Variants in RWDD2B observed in about 807,000 individuals in gnomAD.
RWDD2B encodes the protein RWD domain containing 2B, also known as RWD domain-containing protein 2B.
Under a neutral mutation model 33.6 loss-of-function variants are expected in RWDD2B, and 36 were observed. That is an observed-to-expected ratio of 1.07 (90% CI 0.82 to 1.42). RWDD2B has a LOEUF of 1.42. Ranked by LOEUF, RWDD2B falls within the 40% of genes most tolerant of loss-of-function variation. The pLI, the probability that RWDD2B is intolerant of heterozygous loss-of-function variation, is 0.00. For synonymous variants in RWDD2B, 126 were observed against 133.1 expected, an observed-to-expected ratio of 0.95 and a Z score of 0.37; for missense variants, 364 against 377.5, an observed-to-expected ratio of 0.96 and a Z score of 0.30.
In RWDD2B at chr21:29,006,184, G is replaced by A; in HGVS notation, c.*233C>T. 2.6e-6 allele frequency: 1 copy of A among 377,574 alleles called. No individual in the cohort carries two copies. Among genetic ancestry groups the A allele is most frequent in the South Asian group, 5.8e-5 (1 of 17,306 alleles). 23.4% of individuals were successfully genotyped at this position (377,574 alleles called of 1,614,324 possible). A position where few individuals can be genotyped will look rare whatever the true frequency, so the allele number is the denominator to read the frequency against. ...AATTTCTTTTTCAAAATGGGCAGCT[G>A]ATATGTGAAGAAATATCTAACAACA... is the stretch of plus-strand genomic sequence containing the variant. On this transcript the variant is annotated 3_prime_UTR_variant, in exon 5 of 5. Transcript: ENST00000493196.
At chr21:29,018,797 C>G (rs984393157) in intron 1 of RWDD2B, among the ~76,000 whole-genome samples, 2 of 152,050 alleles carry the variant, frequency 1.3e-5, no homozygotes, top group African/African-American at 4.8e-5. Context: ...TCAAGATCAG[C>G]CTGGGTAACA....
At position 29,019,330 on chromosome 21, in the gene RWDD2B, C is replaced by G; in HGVS notation, c.-53G>C. ...ACTGCGACCCAAAACTTACAAACCG[C>G]CTCAGCTGGCGACCTACCGGAAAAA... On this transcript the variant is annotated 5_prime_UTR_variant, in exon 1 of 5. Coordinates refer to ENST00000493196, the MANE Select transcript of RWDD2B (RefSeq NM_016940.3). The G allele has an allele frequency of 2.9e-6, 4 of 1,358,624 alleles. No individual in the cohort carries two copies. The highest frequency in any genetic ancestry group is 4.1e-6 in the Non-Finnish European group (4 of 984,680). 84.2% of individuals were successfully genotyped at this position (1,358,624 alleles called of 1,614,324 possible). A position where few individuals can be genotyped will look rare whatever the true frequency, so the allele number is the denominator to read the frequency against.
intron 1 of RWDD2B, among the ~76,000 whole-genome samples, chr21:29,011,242 CCA>C (rs1389016129): frequency 1.3e-5 from 2 of 151,872 alleles, no homozygotes; most frequent in Admixed American, 6.5e-5. Context: ...TTCCCAGCCG[CCA>C]TCCCATGTGG....
intron 1 of RWDD2B, among the ~76,000 whole-genome samples, chr21:29,011,648 G>GC (rs1409592950): frequency 5.7e-5 from 8 of 139,722 alleles, no homozygotes; most frequent in African/African-American, 2.2e-4. Context: ...GGGGGGGTCA[G>GC]CCCCCCGCCC....
At chr21:29,006,991 A>C (rs1203459188) in intron 4 of RWDD2B, among the ~76,000 whole-genome samples, 1 of 152,164 alleles carries the variant, frequency 6.6e-6, no homozygotes, top group Non-Finnish European at 1.5e-5. Flanking sequence ...CTCTGAACTC[A>C]TTTGTTGCCC....
rs1400545702 is a variant in RWDD2B at position 29,005,383 on chromosome 21, T to G, written c.*1034A>C. On this transcript the variant is annotated 3_prime_UTR_variant, in exon 5 of 5. Coordinates refer to ENST00000493196, the MANE Select transcript of RWDD2B (RefSeq NM_016940.3). ...TTGTGTATCAAAAGGCTGGGGTAAA[T>G]GCAAAACTAAAGCTCTGAAAAACTC... 6.6e-6 allele frequency: 1 copy of G among 152,164 alleles called. No individual in the cohort carries two copies. Among genetic ancestry groups the G allele is most frequent in the African/African-American group, 2.4e-5 (1 of 41,432 alleles). 9.4% of individuals were successfully genotyped at this position (152,164 alleles called of 1,614,324 possible). A position where few individuals can be genotyped will look rare whatever the true frequency, so the allele number is the denominator to read the frequency against.
chr21:29,008,035 T>A lies in RWDD2B; in HGVS notation c.451A>T (p.Ile151Leu). 1 of 1,614,252 alleles carries A rather than the reference T, an allele frequency of 6.2e-7. No individual in the cohort carries two copies. The highest frequency in any genetic ancestry group is 8.5e-7 in the Non-Finnish European group (1 of 1,180,038). ...LQKHCHGDVC[I>L]LNATEWVREH... The stretch of plus-strand genomic sequence containing the variant: ...CTAACCCACTCTGTGGCATTCAGTA[T>A]ACAAACATCTCCATGACAATGTTTT... The change falls in exon 4 of 5, where the codon ATA (isoleucine) becomes TTA (leucine). Residue 151 changes from isoleucine to leucine, a missense_variant. Transcript: ENST00000493196.
At chr21:29,012,105 C>T (rs866142326) in intron 1 of RWDD2B, among the ~76,000 whole-genome samples, 3,262 of 131,550 alleles carry the variant, frequency 0.025, 146 homozygotes, top group African/African-American at 0.094. Context: ...CCGCCCCGTC[C>T]GGGAGGGAGG....
rs368353753 is a variant in RWDD2B at position 29,007,755 on chromosome 21, G to A, written c.725+6C>T. On this transcript the variant is annotated splice_donor_region_variant and intron_variant, in intron 4 of 4. Transcript: ENST00000493196. ...CATGACTTCATATACATATGTAAAA[G>A]CAAACCTTGACCAGAATTCTTCACA... is the stretch of plus-strand genomic sequence containing the variant. The A allele has an allele frequency of 3.7e-5, 60 of 1,609,504 alleles. No homozygotes were observed. In the African/African-American group the frequency reaches 7.3e-4, roughly 20 times the overall value.
At chr21:29,012,962 G>A (rs1333634252) in intron 1 of RWDD2B, among the ~76,000 whole-genome samples, 1 of 150,974 alleles carries the variant, frequency 6.6e-6, no homozygotes, top group African/African-American at 2.4e-5. Context: ...TTCAACATAT[G>A]TTAAGTGCCT....
At chr21:29,019,070 A>C (rs914495554) in intron 1 of RWDD2B, 141 bp downstream of exon 1, 10 of 677,058 alleles carry the variant, frequency 1.5e-5, no homozygotes, top group Admixed American at 2.7e-5. Context: ...AACGCCGAGG[A>C]CCGAGCCGAC....
At chr21:29,017,960 A>C (rs1039085883) in intron 1 of RWDD2B, among the ~76,000 whole-genome samples, 8 of 152,224 alleles carry the variant, frequency 5.3e-5, no homozygotes, top group African/African-American at 1.9e-4. Context: ...TGGGACTAGT[A>C]AAGCATGGCC....
At chr21:29,011,962 G>T (rs1206524391) in intron 1 of RWDD2B, among the ~76,000 whole-genome samples, 1 of 121,364 alleles carries the variant, frequency 8.2e-6, no homozygotes, top group African/African-American at 3.2e-5. Flanking sequence ...CCCCCGACCC[G>T]GCCAGCCGCG....
At chr21:29,012,010 C>T (rs1476864135) in intron 1 of RWDD2B, among the ~76,000 whole-genome samples, 9 of 138,144 alleles carry the variant, frequency 6.5e-5, no homozygotes, top group Non-Finnish European at 1.4e-4. Context: ...GCCCCCCGCC[C>T]GGCCAGCCGC....
intron 1 of RWDD2B, among the ~76,000 whole-genome samples, chr21:29,011,766 G>GC (rs2084862470): frequency 7.4e-6 from 1 of 136,022 alleles, no homozygotes; most frequent in African/African-American, 2.7e-5. Flanking sequence ...GAGGGAGGTG[G>GC]GGGGGTCAGC....
At chr21:29,018,930 A>G (rs1413074163) in intron 1 of RWDD2B, among the ~76,000 whole-genome samples, 7 of 152,300 alleles carry the variant, frequency 4.6e-5, no homozygotes, top group East Asian at 1.9e-4. Context: ...TTTGAAGAAC[A>G]GAGCAGGGTA....
At chr21:29,019,180 C>A (rs753833801) in intron 1 of RWDD2B, 31 bp downstream of exon 1, 2 of 1,562,960 alleles carry the variant, frequency 1.3e-6, no homozygotes, top group African/African-American at 2.7e-5. Context: ...CCGTGGCGGT[C>A]ACCACTGGCG....
rs570452576 is a variant in RWDD2B, at chr21:29,004,860, A to G, written c.*1557T>C. 5 of 152,330 alleles carry G rather than the reference A, an allele frequency of 3.3e-5. No individual in the cohort carries two copies. The highest frequency in any genetic ancestry group is 3.3e-4 in the Admixed American group (5 of 15,302). The allele number at this position is 152,330 out of a possible 1,614,324, so 9.4% of individuals were successfully genotyped here. A position where few individuals can be genotyped will look rare whatever the true frequency, so the allele number is the denominator to read the frequency against. ...TTCCTTCAGATTTCTACATTGTATT[A>G]CATAATATATGCTGTCTTTTACTAA... On this transcript the variant is annotated 3_prime_UTR_variant, in exon 5 of 5. Coordinates refer to ENST00000493196, the MANE Select transcript of RWDD2B (RefSeq NM_016940.3).
Position 29,004,844 on chromosome 21 carries a change from A to G in RWDD2B, c.*1573T>C, listed in dbSNP as rs2084820830. ...GCCTTCTTCCATTTTATTCCTTCAG[A>G]TTTCTACATTGTATTACATAATATA... On this transcript the variant is annotated 3_prime_UTR_variant, in exon 5 of 5. Coordinates refer to ENST00000493196, the MANE Select transcript of RWDD2B (RefSeq NM_016940.3). 1.3e-5 allele frequency: 2 copies of G among 152,304 alleles called. No individual in the cohort carries two copies. The highest frequency in any genetic ancestry group is 3.4e-3 in the Middle Eastern group (1 of 294). 9.4% of individuals were successfully genotyped at this position (152,304 alleles called of 1,614,324 possible).
Sources: gnomAD v4.1 joint callset for allele counts (sites outside exome capture counted in the v4.1 genomes callset) on GRCh38, gnomAD v4.1.1 for gene constraint, MANE v1.5 for transcripts, NCBI Gene and HGNC (gene_info 2026-07-23, HGNC 2026-07-21) for gene names.